The following KAT6A variants were observed in gnomAD, a reference collection of about 807,000 sequenced individuals.
The protein encoded by KAT6A is lysine acetyltransferase 6A.
KAT6A carries 9 observed loss-of-function variants against 198.4 expected under a neutral mutation model. The observed-to-expected ratio is 0.05, with a 90% CI of 0.03 to 0.08. The LOEUF is 0.08. Among genes scored for constraint, KAT6A ranks in the 10% least tolerant of loss-of-function variants. The pLI, the probability that KAT6A is intolerant of heterozygous loss-of-function variation, is 1.00. For missense variants in KAT6A, 2,077 were observed against 2,509.9 expected (o/e 0.83, Z 3.69); for synonymous variants, 890 against 883.0 (o/e 1.01, Z -0.14).
At chr8:41,950,788 C>G (rs1039375004) in intron 9 of KAT6A, among the ~76,000 whole-genome samples, 7 of 151,948 alleles carry the variant, frequency 4.6e-5, no homozygotes, top group African/African-American at 7.3e-5. Context: ...AATAAAGTAC[C>G]ATTTATGTTA....
intron 2 of KAT6A, among the ~76,000 whole-genome samples, chr8:42,046,264 G>A (rs924833046): frequency 1.2e-4 from 19 of 152,244 alleles, no homozygotes; most frequent in African/African-American, 4.3e-4. Context: ...GGCCAGGCAC[G>A]GTGGCTCAAG....
intron 2 of KAT6A, among the ~76,000 whole-genome samples, chr8:42,025,963 A>G (rs1330021307): frequency 6.6e-6 from 1 of 152,166 alleles, no homozygotes; most frequent in African/African-American, 2.4e-5. Context: ...ATAAAGTGAG[A>G]AATAGGGGTC....
chr8:42,003,078 G>A (rs902034453), intron 2 of KAT6A, among the ~76,000 whole-genome samples: 10 of 152,202 alleles, frequency 6.6e-5, no homozygotes, highest in South Asian at 2.1e-4. Flanking sequence ...CCTGTCAGGC[G>A]GCTTCCCATT....
chr8:42,007,052 C>G (rs184188559), intron 2 of KAT6A, among the ~76,000 whole-genome samples: 25 of 151,406 alleles, frequency 1.7e-4, no homozygotes, highest in Non-Finnish European at 3.2e-4. Context: ...CCAAAAATGC[C>G]TTTTTCATAA....
chr8:41,971,074 G>A (rs1036512827), intron 8 of KAT6A, among the ~76,000 whole-genome samples: 23 of 152,130 alleles, frequency 1.5e-4, no homozygotes, highest in African/African-American at 5.5e-4. Context: ...GGCCTGTTGT[G>A]GGGTGGGAGG....
chr8:41,977,184 C>T lies in KAT6A; in HGVS notation c.1187G>A (p.Ser396Asn). 6.2e-7 allele frequency: 1 copy of T among 1,614,138 alleles called. No homozygotes were observed. Among genetic ancestry groups the T allele is most frequent in the Non-Finnish European group, 8.5e-7 (1 of 1,179,998 alleles). The change falls in exon 7 of 17, where the codon AGC becomes AAC. Residue 396 changes from serine (S) to asparagine (N), a missense_variant. By Grantham distance (46) the Ser-to-Asn change is conservative (BLOSUM62 1). Around this residue, in one of 13 missense-constraint regions of KAT6A, gnomAD observed 206 missense variants for 214.9 expected, o/e 0.96. Transcript: ENST00000265713. ...CTTGTTGAACTTCAAGGAGACATTG[C>T]TATCTCTGCAGAAGTCCAAGCCATC... ...RIDGLDFCRD[S>N]NVSLKFNKKT...
intron 2 of KAT6A, among the ~76,000 whole-genome samples, chr8:42,040,539 GCCTGGC>G (rs1827604225): frequency 5.9e-5 from 9 of 151,556 alleles, no homozygotes; most frequent in Admixed American, 5.9e-4. Flanking sequence ...TTCGAGACCA[GCCTGGC>G]CAACGTGGCA....
intron 12 of KAT6A, among the ~76,000 whole-genome samples, chr8:41,945,945 G>A (rs912618676): frequency 6.6e-6 from 1 of 151,346 alleles, no homozygotes; most frequent in Non-Finnish European, 1.5e-5. Context: ...CAGAAGAATA[G>A]CCTGAACCCA....
intron 2 of KAT6A, among the ~76,000 whole-genome samples, chr8:42,036,545 G>A: frequency 6.6e-6 from 1 of 152,116 alleles, no homozygotes; most frequent in East Asian, 1.9e-4. Context: ...CCCAGGAGAT[G>A]GAGGTTGCAG....
intron 2 of KAT6A, among the ~76,000 whole-genome samples, chr8:41,997,459 T>C (rs1178045217): frequency 5.9e-5 from 9 of 152,354 alleles, no homozygotes; most frequent in East Asian, 5.8e-4. Flanking sequence ...GGCTACTGAA[T>C]TTAAATGTTA....
At chr8:41,966,844 G>A (rs1823516142) in intron 8 of KAT6A, among the ~76,000 whole-genome samples, 2 of 152,026 alleles carry the variant, frequency 1.3e-5, no homozygotes, top group African/African-American at 4.8e-5. Flanking sequence ...GGATGTTATT[G>A]TGATTAAGGG....
At chr8:41,958,752 A>G (rs980797802) in intron 8 of KAT6A, among the ~76,000 whole-genome samples, 1 of 152,260 alleles carries the variant, frequency 6.6e-6, no homozygotes, top group Admixed American at 6.5e-5. Flanking sequence ...TTAGCAAAGC[A>G]TATGAATATT....
intron 8 of KAT6A, among the ~76,000 whole-genome samples, chr8:41,966,635 C>A (rs116575440): frequency 6.6e-6 from 1 of 152,190 alleles, no homozygotes; most frequent in Admixed American, 6.5e-5. Flanking sequence ...TCTCAGGTTG[C>A]GCCAATTCTC....
chr8:42,013,534 T>C (rs1481002705), intron 2 of KAT6A, among the ~76,000 whole-genome samples: 3 of 152,184 alleles, frequency 2.0e-5, no homozygotes, highest in Non-Finnish European at 4.4e-5. Flanking sequence ...CGCCCGGCCT[T>C]GGCTCTGCTT....
At chr8:42,009,894 C>CAAAAAAAAAA (rs538642816) in intron 2 of KAT6A, among the ~76,000 whole-genome samples, 201 of 47,796 alleles carry the variant, frequency 4.2e-3, no homozygotes, top group Non-Finnish European at 5.5e-3. Flanking sequence ...AGCCCTGTCT[C>CAAAAAAAAAA]AAAAAAAAAA....
chr8:41,989,572 T>C (rs370440669), intron 2 of KAT6A, among the ~76,000 whole-genome samples: 3 of 151,892 alleles, frequency 2.0e-5, no homozygotes, highest in African/African-American at 7.2e-5. Context: ...TAACATAACA[T>C]AACTAAAATA....
chr8:41,959,800 T>C (rs1429351476), intron 8 of KAT6A, among the ~76,000 whole-genome samples: 5 of 151,916 alleles, frequency 3.3e-5, no homozygotes, highest in African/African-American at 7.3e-5. Context: ...CTACTAAAAA[T>C]ACAATAATTA....
At position 41,933,077 on chromosome 8, in the gene KAT6A, G is replaced by A. The variant is rs1319430592; in HGVS notation, c.5143C>T (p.Pro1715Ser). The A allele has an allele frequency of 6.2e-7, 1 of 1,612,884 alleles. No individual in the cohort carries two copies. Among genetic ancestry groups the A allele is most frequent in the East Asian group, 2.2e-5 (1 of 44,832 alleles). The part of the protein sequence containing the change: ...CSMNNSFTPA[P>S]MIMEIPESGS... ...GATTCTGGTATCTCCATGATCATAG[G>A]AGCTGGGGTGAAACTGTTATTCATA... The change falls in exon 17 of 17, where the codon CCT becomes TCT. Residue 1715 changes from proline to serine, a missense_variant. Transcript: ENST00000265713. The surrounding 1 kb of genome is among the most constrained non-coding windows in gnomAD (Gnocchi z 6.2).
At chr8:41,967,112 C>A (rs968051976) in intron 8 of KAT6A, among the ~76,000 whole-genome samples, 1 of 151,986 alleles carries the variant, frequency 6.6e-6, no homozygotes, top group East Asian at 1.9e-4. Flanking sequence ...CATACAAAAA[C>A]CAAAGGAATC....
Sources: allele counts gnomAD v4.1 joint callset (sites outside exome capture counted in the v4.1 genomes callset), GRCh38; gene constraint gnomAD v4.1.1; regional missense constraint gnomAD v4.1.1; non-coding constraint Gnocchi (gnomAD v3.1); transcripts MANE v1.5; gene names NCBI Gene and HGNC (gene_info 2026-07-23, HGNC 2026-07-21).